Variants in ELP3 observed in about 807,000 individuals in gnomAD.
ELP3 encodes the protein elongator complex protein 3.
In ELP3, 56 loss-of-function variants were observed where a neutral mutation model predicts 74.9. The ratio of observed to expected loss-of-function variants is 0.75; its 90% CI spans 0.60 to 0.93. The LOEUF is 0.93. Among genes scored for constraint, ELP3 ranks in the 40% least tolerant of loss-of-function variants. The probability of loss-of-function intolerance (pLI) is 0.00; values close to 1 mark genes in which losing one functional copy is unlikely to be tolerated. For synonymous variants in ELP3, 222 were observed against 239.8 expected, an observed-to-expected ratio of 0.93 and a Z score of 0.68; for missense variants, 573 against 686.5, an observed-to-expected ratio of 0.83 and a Z score of 1.85.
chr8:28,093,237 C>T lies in ELP3; in HGVS notation c.19+4C>T. ...GAAATGAGGCAGAAGCGGAAAGGTG[C>T]GAAAGGGGAAGGAGATGGGGGAAAG... On this transcript the variant is annotated splice_donor_region_variant and intron_variant, in intron 1 of 14. Transcript: ENST00000256398. 2 of 1,613,012 alleles carry T rather than the reference C, an allele frequency of 1.2e-6. No homozygotes were observed. Among genetic ancestry groups the T allele is most frequent in the Non-Finnish European group, 1.7e-6 (2 of 1,179,854 alleles).
chr8:28,150,748 T>A (rs1241615788), intron 10 of ELP3, among the ~76,000 whole-genome samples: 1 of 152,196 alleles, frequency 6.6e-6, no homozygotes, highest in Admixed American at 6.5e-5. Flanking sequence ...GGATCTGTGG[T>A]TTGGTGTCTG....
upstream of ELP3, chr8:28,090,393 T>C (rs923693578): frequency 5.3e-6 from 2 of 375,380 alleles, no homozygotes; most frequent in Non-Finnish European, 1.0e-5. Context: ...TGGTGAATCC[T>C]CCATAGTCTG....
intron 5 of ELP3, 50 bp downstream of exon 5, chr8:28,108,026 C>T (rs2130381325): frequency 6.7e-7 from 1 of 1,500,958 alleles, no homozygotes; most frequent in East Asian, 2.3e-5. Flanking sequence ...CATGCTTTAC[C>T]TGTAGTATGG....
chr8:28,178,106 T>G (rs1325015518), intron 14 of ELP3, among the ~76,000 whole-genome samples: 1 of 152,198 alleles, frequency 6.6e-6, no homozygotes, highest in Non-Finnish European at 1.5e-5. Flanking sequence ...AAATGTTAAA[T>G]AACACCTGTA....
At chr8:28,112,359 C>T (rs769917357) in intron 6 of ELP3, 3 of 152,228 alleles carry the variant, frequency 2.0e-5, no homozygotes, top group Non-Finnish European at 2.9e-5. Flanking sequence ...TCTCGAACTC[C>T]TGACCTCAGG....
At chr8:28,124,274 G>T (rs1432060892) in intron 7 of ELP3, among the ~76,000 whole-genome samples, 1 of 152,092 alleles carries the variant, frequency 6.6e-6, no homozygotes, top group Non-Finnish European at 1.5e-5. Context: ...GCGGTGGAAA[G>T]AACTGTCCCT....
chr8:28,134,542 A>G (rs956035010), intron 9 of ELP3, among the ~76,000 whole-genome samples: 2 of 152,240 alleles, frequency 1.3e-5, no homozygotes, highest in African/African-American at 2.4e-5. Context: ...TTTAAAATAA[A>G]TAAGTTTTAG....
At chr8:28,132,222 A>G in intron 8 of ELP3, 56 bp from the exon 9 acceptor site, 1 of 1,593,312 alleles carries the variant, frequency 6.3e-7, no homozygotes, top group Middle Eastern at 1.7e-4. Flanking sequence ...TATTTGTGTA[A>G]CAGATGTTAC....
chr8:28,124,491 A>G (rs369655967), intron 7 of ELP3, among the ~76,000 whole-genome samples: 3 of 152,312 alleles, frequency 2.0e-5, no homozygotes, highest in African/African-American at 4.8e-5. Flanking sequence ...TCTAAAAGAT[A>G]TGTTCACAAG....
At chr8:28,099,246 A>G (rs1388866123) in intron 2 of ELP3, among the ~76,000 whole-genome samples, 1 of 152,068 alleles carries the variant, frequency 6.6e-6, no homozygotes, top group African/African-American at 2.4e-5. Context: ...TTTATTTCCT[A>G]TTTGGTTCTG....
chr8:28,177,304 A>G (rs1451921276), intron 14 of ELP3, among the ~76,000 whole-genome samples: 2 of 152,232 alleles, frequency 1.3e-5, no homozygotes, highest in East Asian at 1.9e-4. Flanking sequence ...TCAAACATTC[A>G]GGATAGAAAC....
chr8:28,150,394 A>G (rs1585711960), intron 10 of ELP3, among the ~76,000 whole-genome samples: 4 of 152,276 alleles, frequency 2.6e-5, no homozygotes, highest in Admixed American at 2.6e-4. Flanking sequence ...AGGCAGATCT[A>G]TTAGCAACAA....
chr8:28,122,831 G>C (rs1449059179), intron 7 of ELP3, among the ~76,000 whole-genome samples: 2 of 151,930 alleles, frequency 1.3e-5, no homozygotes, highest in African/African-American at 4.8e-5. Context: ...ATTTAATAAG[G>C]TATAAAAGCT....
Position 28,189,821 on chromosome 8 carries a change from A to G in ELP3, c.*96A>G. ...CTCAACAGAGAGGCTGAGCAGAGCA[A>G]ATGGGGGGCTTCACCCTCATCCCGC... On this transcript the variant is annotated 3_prime_UTR_variant, in exon 15 of 15. Transcript: ENST00000256398. The G allele has an allele frequency of 7.5e-7, 1 of 1,324,520 alleles. No individual in the cohort carries two copies. The highest frequency in any genetic ancestry group is 1.1e-6 in the Non-Finnish European group (1 of 930,448). 82.0% of individuals were successfully genotyped at this position (1,324,520 alleles called of 1,614,324 possible).
Position 28,119,819 on chromosome 8 carries a change from T to G in ELP3, c.617+6646T>G, listed in dbSNP as rs957401590. On this transcript the variant is annotated intron_variant, in intron 7 of 14. Coordinates refer to ENST00000256398, the MANE Select transcript of ELP3 (RefSeq NM_018091.6). ...GATTTTTTTCCCCATCACAAATTAG[T>G]TTTGTCTCTTCTAGAACTTCATATA... is the stretch of plus-strand genomic sequence containing the variant. Among the ~76,000 whole-genome samples, 28 of 151,774 alleles carry G rather than the reference T, an allele frequency of 1.8e-4. No homozygotes were observed. In the South Asian group the frequency reaches 3.3e-3, roughly 18 times the overall value.
intron 14 of ELP3, among the ~76,000 whole-genome samples, chr8:28,174,824 T>G (rs908595429): frequency 6.6e-6 from 1 of 152,188 alleles, no homozygotes; most frequent in African/African-American, 2.4e-5. Context: ...ATAGGGCAGG[T>G]TTAGTAGTAA....
chr8:28,117,066 A>G (rs1412523354), intron 7 of ELP3, among the ~76,000 whole-genome samples: 6 of 152,076 alleles, frequency 3.9e-5, no homozygotes, highest in African/African-American at 1.4e-4. Context: ...CATTTCTTGG[A>G]CCTTAATATG....
intron 1 of ELP3, among the ~76,000 whole-genome samples, chr8:28,096,948 C>T (rs1563055): frequency 0.32 from 48,225 of 152,092 alleles, 7,732 homozygotes; most frequent in Admixed American, 0.35. Context: ...TGTTTCTACT[C>T]CTGTATCCTT....
intron 6 of ELP3, among the ~76,000 whole-genome samples, chr8:28,112,268 A>G (rs939160782): frequency 6.6e-6 from 1 of 151,866 alleles, no homozygotes; most frequent in African/African-American, 2.4e-5. Flanking sequence ...CTCAGCCTCC[A>G]GAGTAGCTGG....
Sources: gnomAD v4.1 joint callset for allele counts (sites outside exome capture counted in the v4.1 genomes callset) on GRCh38, gnomAD v4.1.1 for gene constraint, MANE v1.5 for transcripts, NCBI Gene and HGNC (gene_info 2026-07-23, HGNC 2026-07-21) for gene names.